CCSER1: variants seen among roughly 807,000 people sequenced by gnomAD.
CCSER1 encodes the protein serine-rich coiled-coil domain-containing protein 1.
CCSER1 carries 41 observed loss-of-function variants against 82.0 expected under a neutral mutation model. The ratio of observed to expected loss-of-function variants is 0.50; its 90% CI spans 0.39 to 0.65. The LOEUF (loss-of-function observed/expected upper bound fraction) is 0.65. CCSER1 is among the 30% of genes least tolerant of loss of function. The pLI, the probability that CCSER1 is intolerant of heterozygous loss-of-function variation, is 0.00. For synonymous variants in CCSER1, 414 were observed against 383.9 expected, an observed-to-expected ratio of 1.08 and a Z score of -0.92; for missense variants, 1,119 against 1,064.2, an observed-to-expected ratio of 1.05 and a Z score of -0.72.
chr4:90,217,508 C>G (rs1741296109), intron 1 of CCSER1, among the ~76,000 whole-genome samples: 1 of 152,058 alleles, frequency 6.6e-6, no homozygotes, highest in African/African-American at 2.4e-5. Flanking sequence ...CTCTTTAGGG[C>G]TTTCTAGGTA....
At chr4:91,073,307 A>T (rs1242592746) in intron 9 of CCSER1, among the ~76,000 whole-genome samples, 1 of 152,124 alleles carries the variant, frequency 6.6e-6, no homozygotes. Flanking sequence ...CTAGGGGGTG[A>T]ATATTTTTTC....
At chr4:90,984,791 CTCTT>C (rs1025207527) in intron 9 of CCSER1, among the ~76,000 whole-genome samples, 3 of 151,826 alleles carry the variant, frequency 2.0e-5, no homozygotes, top group Non-Finnish European at 2.9e-5. Context: ...AACATTGACA[CTCTT>C]TCTACAGTCA....
chr4:90,412,346 G>A (rs1288901523), intron 4 of CCSER1, among the ~76,000 whole-genome samples: 8 of 150,604 alleles, frequency 5.3e-5, no homozygotes, highest in African/African-American at 1.5e-4. Flanking sequence ...GGATAGCATA[G>A]GGAGATATAC....
intron 10 of CCSER1, among the ~76,000 whole-genome samples, chr4:91,376,946 G>A (rs1182752561): frequency 1.6e-5 from 2 of 125,312 alleles, no homozygotes; most frequent in African/African-American, 6.0e-5. Flanking sequence ...TCCCCTTCCT[G>A]TGTCCAACTG....
intron 4 of CCSER1, among the ~76,000 whole-genome samples, chr4:90,455,147 G>A (rs187653297): frequency 1.3e-5 from 2 of 152,234 alleles, no homozygotes; most frequent in Non-Finnish European, 2.9e-5. Flanking sequence ...GGCAAAGAAA[G>A]TCTGCACATG....
Position 91,095,347 on chromosome 4 carries a change from T to G in CCSER1, c.2217+9353T>G, listed in dbSNP as rs1724398458. The stretch of plus-strand genomic sequence containing the variant: ...TGGTTACACTGCACATGTGAGTGAT[T>G]GGACTGGGCATTCCTCCTGGAACCC... On this transcript the variant is annotated intron_variant, in intron 10 of 10. Coordinates refer to ENST00000509176, the MANE Select transcript of CCSER1 (RefSeq NM_001145065.2). 2.0e-5 allele frequency among the ~76,000 whole-genome samples: 3 copies of G among 152,220 alleles called. No individual in the cohort carries two copies. In the South Asian group the frequency reaches 6.2e-4, roughly 32 times the overall value.
chr4:90,913,082 G>C (rs907970933), intron 8 of CCSER1, among the ~76,000 whole-genome samples: 1 of 152,178 alleles, frequency 6.6e-6, no homozygotes, highest in Non-Finnish European at 1.5e-5. Context: ...TTATCCAGGA[G>C]AACTTCCCCA....
chr4:90,302,788 G>A (rs148400868), intron 1 of CCSER1, among the ~76,000 whole-genome samples: 4,738 of 152,040 alleles, frequency 0.031, 194 homozygotes, highest in African/African-American at 0.095. Context: ...GGGTGACAGA[G>A]CAAGACCTTG....
At chr4:90,641,241 G>C (rs1437041682) in intron 6 of CCSER1, among the ~76,000 whole-genome samples, 1 of 151,962 alleles carries the variant, frequency 6.6e-6, no homozygotes, top group Non-Finnish European at 1.5e-5. Flanking sequence ...ACAGAATATG[G>C]AGTTAAAAAT....
At chr4:90,877,153 C>T (rs1471401069) in intron 8 of CCSER1, among the ~76,000 whole-genome samples, 1 of 152,032 alleles carries the variant, frequency 6.6e-6, no homozygotes, top group Non-Finnish European at 1.5e-5. Context: ...ACATAAGTGC[C>T]TTATAAGGTG....
intron 7 of CCSER1, among the ~76,000 whole-genome samples, chr4:90,744,522 C>G (rs1303592777): frequency 6.6e-6 from 1 of 152,150 alleles, no homozygotes; most frequent in Non-Finnish European, 1.5e-5. Flanking sequence ...ATACCTATAT[C>G]TGCATATGCT....
chr4:90,614,211 A>G (rs1338859529), intron 5 of CCSER1, among the ~76,000 whole-genome samples: 3 of 152,136 alleles, frequency 2.0e-5, no homozygotes, highest in Non-Finnish European at 4.4e-5. Flanking sequence ...GACTGTGCCC[A>G]TATAGAAATC....
intron 8 of CCSER1, among the ~76,000 whole-genome samples, chr4:90,823,526 T>C (rs1015760593): frequency 2.0e-5 from 3 of 152,102 alleles, no homozygotes; most frequent in Non-Finnish European, 4.4e-5. Context: ...AATGAGAGCA[T>C]AGTTATTGTA....
At chr4:91,557,586 GATTA>G (rs1350966569) in intron 10 of CCSER1, among the ~76,000 whole-genome samples, 1 of 151,394 alleles carries the variant, frequency 6.6e-6, no homozygotes, top group African/African-American at 2.4e-5. Flanking sequence ...TGAGGAATGG[GATTA>G]ATTTTGGTTA....
intron 10 of CCSER1, among the ~76,000 whole-genome samples, chr4:91,108,834 G>A (rs1373807637): frequency 6.6e-6 from 1 of 152,154 alleles, no homozygotes; most frequent in Non-Finnish European, 1.5e-5. Context: ...GAAGATAGCT[G>A]GTAAAGTATT....
chr4:91,022,962 C>T (rs1740141674), intron 9 of CCSER1, among the ~76,000 whole-genome samples: 1 of 152,096 alleles, frequency 6.6e-6, no homozygotes, highest in South Asian at 2.1e-4. Context: ...CTGTAGGTTG[C>T]CTATTCACTC....
At chr4:91,560,066 A>T (rs1427354582) in intron 10 of CCSER1, among the ~76,000 whole-genome samples, 1 of 151,502 alleles carries the variant, frequency 6.6e-6, no homozygotes. Flanking sequence ...AGATAAATAG[A>T]TATTGTTTTA....
chr4:90,831,704 A>G (rs1290899366), intron 8 of CCSER1, among the ~76,000 whole-genome samples: 1 of 152,174 alleles, frequency 6.6e-6, no homozygotes, highest in Non-Finnish European at 1.5e-5. Context: ...TGCTTAAAGA[A>G]TGTTCATTAC....
intron 5 of CCSER1, among the ~76,000 whole-genome samples, chr4:90,625,921 A>C (rs193294259): frequency 6.6e-6 from 1 of 152,320 alleles, no homozygotes; most frequent in East Asian, 1.9e-4. Context: ...AGCCTCAGTA[A>C]ATTCCCTGAA....
Sources: allele counts gnomAD v4.1 joint callset (sites outside exome capture counted in the v4.1 genomes callset), GRCh38; gene constraint gnomAD v4.1.1; transcripts MANE v1.5; gene names NCBI Gene and HGNC (gene_info 2026-07-23, HGNC 2026-07-21).